ZCCHC14: variants seen among roughly 807,000 people sequenced by gnomAD.
The protein encoded by ZCCHC14 is zinc finger CCHC-type containing 14.
A neutral mutation model predicts 85.0 loss-of-function variants in ZCCHC14; 16 were observed. The observed-to-expected ratio is 0.19, with a 90% CI of 0.13 to 0.29. The LOEUF (loss-of-function observed/expected upper bound fraction) is 0.29, where lower values mean the gene tolerates loss of function less well. Ranked by LOEUF, ZCCHC14 falls within the 10% of genes least tolerant of loss-of-function variation. The pLI is 1.00. For synonymous variants in ZCCHC14, 775 were observed against 630.7 expected (o/e 1.23, Z -3.43); for missense variants, 1,303 against 1,443.5 (o/e 0.90, Z 1.58).
Position 87,406,436 on chromosome 16 carries a change from ATATT to A in ZCCHC14, c.*3840_*3843del, listed in dbSNP as rs1035105904. 20 of 152,638 alleles carry A rather than the reference ATATT, an allele frequency of 1.3e-4. No individual in the cohort carries two copies. Among genetic ancestry groups the A allele is most frequent in the Non-Finnish European group, 1.5e-5 (1 of 68,050 alleles). The allele number at this position is 152,638 out of a possible 1,614,324, so 9.5% of individuals were successfully genotyped here. A position where few individuals can be genotyped will look rare whatever the true frequency, so the allele number is the denominator to read the frequency against. ...ATTTACAAAACTATATCTTTTAAAA[ATATT>A]TATAAAGTTACATGCAATTTTGTAG... On this transcript the variant is annotated 3_prime_UTR_variant, in exon 13 of 13. Transcript: ENST00000671377.
At chr16:87,413,343 C>T in intron 10 of ZCCHC14, 148 bp from the exon 11 acceptor site, 1 of 1,200,240 alleles carries the variant, frequency 8.3e-7, no homozygotes, top group Non-Finnish European at 1.1e-6. Context: ...CCGGCCCAGG[C>T]CGCACGGTGA....
At chr16:87,431,703 C>T (rs1909672563) in intron 3 of ZCCHC14, among the ~76,000 whole-genome samples, 1 of 152,116 alleles carries the variant, frequency 6.6e-6, no homozygotes, top group African/African-American at 2.4e-5. Context: ...GCACAGTCCC[C>T]ACCAGTATCT....
intron 2 of ZCCHC14, among the ~76,000 whole-genome samples, chr16:87,433,964 T>G (rs1909788346): frequency 6.6e-6 from 1 of 152,164 alleles, no homozygotes; most frequent in African/African-American, 2.4e-5. Context: ...GGAGAATTCA[T>G]TCTCATCCTT....
intron 2 of ZCCHC14, among the ~76,000 whole-genome samples, chr16:87,453,747 C>A (rs955924687): frequency 6.6e-6 from 1 of 152,212 alleles, no homozygotes; most frequent in Non-Finnish European, 1.5e-5. Flanking sequence ...TATAATCACA[C>A]ACAATGGCAC....
At position 87,411,672 on chromosome 16, in the gene ZCCHC14, C is replaced by T. The variant is rs200845486; in HGVS notation, c.3049G>A (p.Ala1017Thr). Residue 1017 changes from alanine to threonine, a missense_variant, in exon 12 of 13, where the codon GCA becomes ACA. Transcript: ENST00000671377. Reference protein sequence around the residue: ...FAVPPMQNFMAGTAGVYQTQG... With the variant: ...FAVPPMQNFMTGTAGVYQTQG... ...GTCTGGTACACCCCTGCTGTCCCTG[C>T]CATGAAGTTCTGCATGGGTGGCACG... is the stretch of plus-strand genomic sequence containing the variant. 1.2e-6 allele frequency: 2 copies of T among 1,614,088 alleles called. No homozygotes were observed. The highest frequency in any genetic ancestry group is 1.1e-5 in the South Asian group (1 of 91,086).
intron 1 of ZCCHC14, among the ~76,000 whole-genome samples, chr16:87,469,900 C>G (rs1911702773): frequency 6.6e-6 from 1 of 152,210 alleles, no homozygotes; most frequent in Non-Finnish European, 1.5e-5. Flanking sequence ...CAGGGCCTAT[C>G]TTCTCAAGTA....
rs200911990 is a variant in ZCCHC14 at position 87,417,420 on chromosome 16, A to C, written c.1383+40T>G. On this transcript the variant is annotated intron_variant, in intron 8 of 12. Coordinates refer to ENST00000671377, the MANE Select transcript of ZCCHC14 (RefSeq NM_015144.3). Reference sequence around the variant, plus strand: ...CCCCCAGGGAGGTCTTGAGTAAACAATCTAGCAATTCTGTACGGCCAGCCA... The same window carrying C: ...CCCCCAGGGAGGTCTTGAGTAAACACTCTAGCAATTCTGTACGGCCAGCCA... The C allele has an allele frequency of 1.9e-6, 3 of 1,600,228 alleles. No individual in the cohort carries two copies. In the African/African-American group the frequency reaches 4.0e-5, roughly 21 times the overall value.
chr16:87,426,471 C>G (rs1238012338), intron 3 of ZCCHC14, among the ~76,000 whole-genome samples: 2 of 152,230 alleles, frequency 1.3e-5, no homozygotes, highest in African/African-American at 2.4e-5. Flanking sequence ...TCATCACACC[C>G]CAAAGCCCAA....
At chr16:87,418,936 C>A (rs1265857654) in intron 6 of ZCCHC14, 35 bp from the exon 7 acceptor site, 5 of 1,538,646 alleles carry the variant, frequency 3.2e-6, no homozygotes, top group Non-Finnish European at 3.5e-6. Context: ...TAAAAATTTA[C>A]AGACAATGAA....
chr16:87,432,983 C>T (rs1180448832), intron 3 of ZCCHC14, 145 bp downstream of exon 3: 2 of 777,458 alleles, frequency 2.6e-6, no homozygotes, highest in Non-Finnish European at 4.0e-6. Context: ...ACAGCCCACC[C>T]CGAGCTCAGG....
At chr16:87,439,930 A>C (rs35437452) in intron 2 of ZCCHC14, among the ~76,000 whole-genome samples, 102,930 of 152,072 alleles carry the variant, frequency 0.68, 38,690 homozygotes, top group Non-Finnish European at 0.85. Flanking sequence ...AAAACGAACC[A>C]AACATTTTCC....
At chr16:87,486,288 A>T (rs1202870663) in intron 1 of ZCCHC14, among the ~76,000 whole-genome samples, 1 of 152,118 alleles carries the variant, frequency 6.6e-6, no homozygotes, top group Non-Finnish European at 1.5e-5. Flanking sequence ...TCCACCACTG[A>T]CAGACCACAC....
At chr16:87,461,285 T>C (rs1597439510) in intron 1 of ZCCHC14, among the ~76,000 whole-genome samples, 1 of 151,848 alleles carries the variant, frequency 6.6e-6, no homozygotes, top group African/African-American at 2.4e-5. Context: ...AGGAGGGGGG[T>C]AGCAATAACC....
chr16:87,471,299 A>G (rs1911762057), intron 1 of ZCCHC14: 1 of 152,178 alleles, frequency 6.6e-6, no homozygotes, highest in African/African-American at 2.4e-5. Flanking sequence ...AAACCAGAAC[A>G]AGAAGACAGA....
chr16:87,490,368 G>C (rs1369121712), intron 1 of ZCCHC14, among the ~76,000 whole-genome samples: 3 of 152,244 alleles, frequency 2.0e-5, no homozygotes, highest in Non-Finnish European at 4.4e-5. Context: ...AGCAAGACTT[G>C]GTCCCGACTG....
intron 1 of ZCCHC14, chr16:87,467,099 G>C: frequency 1.6e-6 from 1 of 606,892 alleles, no homozygotes; most frequent in South Asian, 1.9e-5. Flanking sequence ...TGCCCCATCT[G>C]ACCTCTAACT....
intron 1 of ZCCHC14, among the ~76,000 whole-genome samples, chr16:87,476,486 G>A (rs1194080954): frequency 6.6e-6 from 1 of 152,052 alleles, no homozygotes; most frequent in Non-Finnish European, 1.5e-5. Context: ...GAAGGCACCT[G>A]GTTGCAAGAC....
chr16:87,485,729 G>A (rs775325897), intron 1 of ZCCHC14, among the ~76,000 whole-genome samples: 12 of 152,038 alleles, frequency 7.9e-5, no homozygotes, highest in Non-Finnish European at 1.3e-4. Flanking sequence ...AAACAAAGAT[G>A]CCCCAGCGCG....
chr16:87,459,349 C>CT (rs531710228), intron 2 of ZCCHC14, among the ~76,000 whole-genome samples: 681 of 143,070 alleles, frequency 4.8e-3, no homozygotes, highest in South Asian at 8.5e-3. Flanking sequence ...TCCTCCCACC[C>CT]TTTTTTTTTT....
Sources: gnomAD v4.1 joint callset for allele counts (sites outside exome capture counted in the v4.1 genomes callset) on GRCh38, gnomAD v4.1.1 for gene constraint, MANE v1.5 for transcripts, NCBI Gene and HGNC (gene_info 2026-07-23, HGNC 2026-07-21) for gene names.